The following GARIN1A variants were observed in gnomAD, a reference collection of about 807,000 sequenced individuals.
GARIN1A encodes the protein Golgi-associated RAB2 interactor protein 1A.
chr7:128,672,651 G>A, the GARIN1A span: 5 of 656,870 alleles, frequency 7.6e-6, no homozygotes, highest in Middle Eastern at 3.1e-4. Flanking sequence ...CCTGGGGGAG[G>A]GGGGGGCGGG....
the GARIN1A span, among the ~76,000 whole-genome samples, chr7:128,698,428 C>A: frequency 6.6e-6 from 1 of 152,082 alleles, no homozygotes; most frequent in Non-Finnish European, 1.5e-5. Flanking sequence ...CATGCCATCA[C>A]CCACGCCTCA....
the GARIN1A span, among the ~76,000 whole-genome samples, chr7:128,675,386 T>C: frequency 2.0e-5 from 3 of 152,230 alleles, no homozygotes; most frequent in African/African-American, 7.2e-5. Flanking sequence ...GAATGAAAAC[T>C]TCAGTGCCAC....
the GARIN1A span, chr7:128,709,093 CATA>C: frequency 0.14 from 20,940 of 152,300 alleles, 1,602 homozygotes; most frequent in African/African-American, 0.19. Flanking sequence ...AGGATGCAGA[CATA>C]ATGATGGCAG....
At chr7:128,678,725 A>G in the GARIN1A span, among the ~76,000 whole-genome samples, 1 of 151,902 alleles carries the variant, frequency 6.6e-6, no homozygotes, top group Non-Finnish European at 1.5e-5. Context: ...GCTTAAACTC[A>G]GGAAGCAAAG....
the GARIN1A span, among the ~76,000 whole-genome samples, chr7:128,700,260 T>G: frequency 6.6e-6 from 1 of 151,418 alleles, no homozygotes; most frequent in Admixed American, 6.6e-5. Context: ...TTAGTAAGGT[T>G]TGTTTTGTTT....
chr7:128,689,970 G>A, the GARIN1A span, among the ~76,000 whole-genome samples: 10 of 152,358 alleles, frequency 6.6e-5, no homozygotes, highest in East Asian at 1.5e-3. Context: ...ATAGAAAAGG[G>A]GGAAAGGTGG....
At chr7:128,706,210 T>C in the GARIN1A span, among the ~76,000 whole-genome samples, 175 of 152,278 alleles carry the variant, frequency 1.1e-3, no homozygotes, top group African/African-American at 4.1e-3. Flanking sequence ...TTTGAGCACT[T>C]CCTTCCTTTC....
the GARIN1A span, chr7:128,675,847 T>A: frequency 6.8e-6 from 11 of 1,610,036 alleles, no homozygotes; most frequent in Middle Eastern, 3.3e-4. Context: ...GCCCCAGTCA[T>A]CAACCTCAGC....
chr7:128,701,524 A>T, the GARIN1A span, among the ~76,000 whole-genome samples: 1 of 151,578 alleles, frequency 6.6e-6, no homozygotes, highest in Non-Finnish European at 1.5e-5. Flanking sequence ...TCTTTCCCCT[A>T]TTGGCTGGGA....
the GARIN1A span, among the ~76,000 whole-genome samples, chr7:128,689,969 G>A: frequency 2.0e-5 from 3 of 152,352 alleles, no homozygotes; most frequent in African/African-American, 7.2e-5. Flanking sequence ...AATAGAAAAG[G>A]GGGAAAGGTG....
At chr7:128,695,725 G>T in the GARIN1A span, among the ~76,000 whole-genome samples, 1 of 151,532 alleles carries the variant, frequency 6.6e-6, no homozygotes, top group African/African-American at 2.4e-5. This position sits in a 1 kb window ranked among gnomAD's most constrained non-coding sequence, Gnocchi z 4.5. Flanking sequence ...AGATTCTTTT[G>T]TAGAGACAGG....
the GARIN1A span, chr7:128,675,859 G>T: frequency 6.2e-7 from 1 of 1,608,388 alleles, no homozygotes; most frequent in African/African-American, 1.3e-5. Flanking sequence ...AACCTCAGCA[G>T]GTAAAGGCTT....
the GARIN1A span, chr7:128,697,620 C>G: frequency 6.5e-6 from 1 of 152,826 alleles, no homozygotes; most frequent in Non-Finnish European, 1.5e-5. Context: ...CGCCCCCTAA[C>G]TCTGCTCCCC....
the GARIN1A span, among the ~76,000 whole-genome samples, chr7:128,693,047 AAG>A: frequency 6.6e-6 from 1 of 152,374 alleles, no homozygotes; most frequent in Non-Finnish European, 1.5e-5. Flanking sequence ...CAGATAGTCT[AAG>A]AGAAGGCGGT....
chr7:128,702,342 T>G, the GARIN1A span, among the ~76,000 whole-genome samples: 1 of 152,122 alleles, frequency 6.6e-6, no homozygotes. Context: ...GTAACATATA[T>G]AAAAGTAAAC....
At chr7:128,678,989 G>C in the GARIN1A span, among the ~76,000 whole-genome samples, 1 of 150,788 alleles carries the variant, frequency 6.6e-6, no homozygotes, top group African/African-American at 2.4e-5. Context: ...TGTAACGATT[G>C]TTACATACAT....
the GARIN1A span, chr7:128,672,161 C>T: frequency 2.2e-6 from 1 of 453,914 alleles, no homozygotes; most frequent in East Asian, 3.6e-5. Context: ...GAGCCTGGCA[C>T]ATCCTCTGTC....
At chr7:128,682,737 T>C in the GARIN1A span, among the ~76,000 whole-genome samples, 34 of 152,138 alleles carry the variant, frequency 2.2e-4, no homozygotes, top group African/African-American at 7.7e-4. Flanking sequence ...GCCACATGCC[T>C]GGCTAATTTT....
chr7:128,706,798 C>T, the GARIN1A span, among the ~76,000 whole-genome samples: 1 of 152,312 alleles, frequency 6.6e-6, no homozygotes, highest in East Asian at 1.9e-4. Context: ...ATCCCAGAGC[C>T]TGGTGGGCTC....
Sources: gnomAD v4.1 joint callset for allele counts (sites outside exome capture counted in the v4.1 genomes callset) on GRCh38, gnomAD v4.1.1 for gene constraint, Gnocchi (gnomAD v3.1) non-coding constraint, MANE v1.5 for transcripts, NCBI Gene and HGNC (gene_info 2026-07-23, HGNC 2026-07-21) for gene names.